RSU1: variants seen among roughly 807,000 people sequenced by gnomAD.
RSU1 encodes rsu-1.
In RSU1, 26 loss-of-function variants were observed where a neutral mutation model predicts 31.1. The ratio of observed to expected loss-of-function variants is 0.84; its 90% confidence interval spans 0.61 to 1.16. The LOEUF is 1.16. Among genes scored for constraint, RSU1 ranks in the 50% most tolerant of loss-of-function variants. The pLI, the probability that RSU1 is intolerant of heterozygous loss-of-function variation, is 0.00. For missense variants in RSU1, 320 were observed against 339.1 expected, an observed-to-expected ratio of 0.94 and a Z score of 0.44; for synonymous variants, 164 against 136.3, an observed-to-expected ratio of 1.20 and a Z score of -1.41.
In RSU1 at chr10:16,707,221, T is replaced by C. The variant is rs1462181633; in HGVS notation, c.599-12066A>G. On this transcript the variant is annotated intron_variant, in intron 7 of 8. Coordinates refer to ENST00000345264, the MANE Select transcript of RSU1 (RefSeq NM_012425.4). ...AATAAACATGGGAGTTGAAGTTTTC[T>C]CTTCAACATAGTAATTTCTTTTGGA... Among the ~76,000 whole-genome samples the C allele has an allele frequency of 1.3e-5, 2 of 152,330 alleles. 1 individual carries two copies. Among genetic ancestry groups the C allele is most frequent in the Middle Eastern group, 6.8e-3 (2 of 294 alleles).
At chr10:16,790,324 C>G (rs368941430) in intron 2 of RSU1, among the ~76,000 whole-genome samples, 44 of 152,264 alleles carry the variant, frequency 2.9e-4, no homozygotes, top group African/African-American at 9.1e-4. Flanking sequence ...ATTATACCAG[C>G]TGTCCCTCTA....
At chr10:16,804,830 G>A (rs1356666126) in intron 2 of RSU1, among the ~76,000 whole-genome samples, 1 of 152,142 alleles carries the variant, frequency 6.6e-6, no homozygotes, top group East Asian at 1.9e-4. Flanking sequence ...AGATAATGAG[G>A]GAGAGGGGAT....
chr10:16,734,767 G>C (rs1836590582), intron 7 of RSU1, among the ~76,000 whole-genome samples: 1 of 152,192 alleles, frequency 6.6e-6, no homozygotes, highest in Admixed American at 6.5e-5. Context: ...GAAATGGTTG[G>C]TGTTATGGGC....
chr10:16,771,632 G>C (rs1837426069), intron 3 of RSU1, among the ~76,000 whole-genome samples: 1 of 152,164 alleles, frequency 6.6e-6, no homozygotes, highest in South Asian at 2.1e-4. Flanking sequence ...TGTAGTTATA[G>C]TGATTAATTA....
intron 8 of RSU1, among the ~76,000 whole-genome samples, chr10:16,602,716 G>A (rs2131459316): frequency 6.6e-6 from 1 of 152,258 alleles, no homozygotes; most frequent in African/African-American, 2.4e-5. Flanking sequence ...GTGTTTCCAT[G>A]GCAAGTCCTC....
At chr10:16,707,576 T>TG (rs1360915323) in intron 7 of RSU1, among the ~76,000 whole-genome samples, 4 of 151,786 alleles carry the variant, frequency 2.6e-5, no homozygotes, top group Non-Finnish European at 4.4e-5. Context: ...TCAGGTTTTT[T>TG]TTTTTTTTGC....
intron 2 of RSU1, among the ~76,000 whole-genome samples, chr10:16,786,964 T>G (rs1837804364): frequency 6.6e-6 from 1 of 152,144 alleles, no homozygotes; most frequent in Admixed American, 6.5e-5. Flanking sequence ...AGAGCCAGCT[T>G]GCTTGAACAT....
chr10:16,699,071 T>G (rs1459152518), intron 7 of RSU1, among the ~76,000 whole-genome samples: 1 of 152,194 alleles, frequency 6.6e-6, no homozygotes, highest in Non-Finnish European at 1.5e-5. Context: ...GTCTTTCTTT[T>G]TAACAAAGAG....
intron 7 of RSU1, among the ~76,000 whole-genome samples, chr10:16,749,273 C>T (rs904625096): frequency 6.6e-6 from 1 of 152,158 alleles, no homozygotes; most frequent in Non-Finnish European, 1.5e-5. Flanking sequence ...TATTAAACCT[C>T]CAGCCAAGCC....
At chr10:16,678,338 A>G (rs1484583433) in intron 8 of RSU1, among the ~76,000 whole-genome samples, 1 of 152,246 alleles carries the variant, frequency 6.6e-6, no homozygotes, top group Non-Finnish European at 1.5e-5. Context: ...CAGGTGTTAT[A>G]AACAGTGGAA....
chr10:16,618,752 A>G (rs111659321), intron 8 of RSU1, among the ~76,000 whole-genome samples: 4 of 152,306 alleles, frequency 2.6e-5, no homozygotes, highest in African/African-American at 7.2e-5. Context: ...ACCACATGCT[A>G]TCACTCATAA....
intron 8 of RSU1, among the ~76,000 whole-genome samples, chr10:16,692,913 G>A (rs761731589): frequency 2.0e-5 from 3 of 152,120 alleles, no homozygotes; most frequent in Non-Finnish European, 4.4e-5. Context: ...TATATAGGAG[G>A]ATACGGTATC....
chr10:16,603,224 G>A (rs1304560510), intron 8 of RSU1, among the ~76,000 whole-genome samples: 2 of 152,158 alleles, frequency 1.3e-5, no homozygotes, highest in Non-Finnish European at 2.9e-5. Context: ...GAAATGTGTA[G>A]TTGGCTTAAG....
chr10:16,593,804 G>A (rs988855961), intron 8 of RSU1, among the ~76,000 whole-genome samples: 14 of 152,198 alleles, frequency 9.2e-5, no homozygotes, highest in Admixed American at 7.9e-4. Flanking sequence ...TGTTTAAGTC[G>A]ACAGTGATAA....
intron 7 of RSU1, among the ~76,000 whole-genome samples, chr10:16,735,111 G>T (rs1201101673): frequency 6.6e-6 from 1 of 152,212 alleles, no homozygotes; most frequent in Admixed American, 6.5e-5. Flanking sequence ...AAGTCACCCA[G>T]TCTTTGGCAC....
chr10:16,624,822 T>C (rs1834128375), intron 8 of RSU1, among the ~76,000 whole-genome samples: 1 of 152,174 alleles, frequency 6.6e-6, no homozygotes, highest in Non-Finnish European at 1.5e-5. Context: ...TAATTGCTCA[T>C]GGGCTGATTG....
At chr10:16,683,160 G>GTGTGTGTGTGTGT (rs1554766307) in intron 8 of RSU1, among the ~76,000 whole-genome samples, 1 of 143,352 alleles carries the variant, frequency 7.0e-6, no homozygotes, top group African/African-American at 2.6e-5. Flanking sequence ...ATGGGTGTGT[G>GTGTGTGTGTGTGT]GTGTGTGTGT....
chr10:16,593,013 T>TCAACAGAAAGAGTGAAAAGTGTTAA lies in RSU1; in HGVS notation c.*356_*380dup, dbSNP rs1265830971. On this transcript the variant is annotated 3_prime_UTR_variant, in exon 9 of 9. Transcript: ENST00000345264. ...AAAGCAAAATAATGAGTTAGGTGAA[T>TCAACAGAAAGAGTGAAAAGTGTTAA]CAACAGAAAGAGTGAAAAGTGTTAA... is the stretch of plus-strand genomic sequence containing the variant. 2 of 159,510 alleles carry TCAACAGAAAGAGTGAAAAGTGTTAA rather than the reference T, an allele frequency of 1.3e-5. No individual in the cohort carries two copies. The highest frequency in any genetic ancestry group is 2.7e-5 in the Non-Finnish European group (2 of 72,898). 9.9% of individuals were successfully genotyped at this position (159,510 alleles called of 1,614,324 possible). A position where few individuals can be genotyped will look rare whatever the true frequency, so the allele number is the denominator to read the frequency against.
At chr10:16,594,627 GATAGATAATATGATAT>G (rs1833576477) in intron 8 of RSU1, among the ~76,000 whole-genome samples, 1 of 141,568 alleles carries the variant, frequency 7.1e-6, no homozygotes, top group East Asian at 2.0e-4. Context: ...TGATATATAT[GATAGATAATATGATAT>G]ATATGATATA....
Sources: allele counts gnomAD v4.1 joint callset (sites outside exome capture counted in the v4.1 genomes callset), GRCh38; gene constraint gnomAD v4.1.1; transcripts MANE v1.5; gene names NCBI Gene and HGNC (gene_info 2026-07-23, HGNC 2026-07-21).